Variants in RIMBP2 observed in about 807,000 individuals in gnomAD.
The protein encoded by RIMBP2 is RIMS-binding protein 2.
In RIMBP2, 48 loss-of-function variants were observed where a neutral mutation model predicts 118.6. That is an observed-to-expected ratio of 0.40 (90% CI 0.32 to 0.51). The LOEUF (loss-of-function observed/expected upper bound fraction) is 0.51, where lower values mean the gene tolerates loss of function less well. RIMBP2 is among the 20% of genes least tolerant of loss of function. RIMBP2 has a pLI of 0.41. For missense variants in RIMBP2, 1,551 were observed against 1,768.3 expected, an observed-to-expected ratio of 0.88 and a Z score of 2.20; for synonymous variants, 762 against 742.9, an observed-to-expected ratio of 1.03 and a Z score of -0.42.
intron 3 of RIMBP2, among the ~76,000 whole-genome samples, chr12:130,510,192 C>T (rs1429901599): frequency 2.0e-5 from 3 of 152,212 alleles, no homozygotes; most frequent in Non-Finnish European, 1.5e-5. Context: ...TTACAAACGG[C>T]GCCAGAAGCT....
chr12:130,676,577 C>G (rs1312941227), intron 1 of RIMBP2, among the ~76,000 whole-genome samples: 1 of 151,024 alleles, frequency 6.6e-6, no homozygotes, highest in Non-Finnish European at 1.5e-5. Flanking sequence ...GAGCCAAGAT[C>G]GAGCCACTGA....
chr12:130,439,921 G>A lies in RIMBP2; in HGVS notation c.1505-1405C>T, dbSNP rs970031208. Among the ~76,000 whole-genome samples, 5 of 146,458 alleles carry A rather than the reference G, an allele frequency of 3.4e-5. No individual in the cohort carries two copies. The East Asian group carries it at 7.8e-4, about 23-fold the overall frequency. On this transcript the variant is annotated intron_variant, in intron 11 of 22. Transcript: ENST00000690449. ...TATCTGTCTATGTGAGTCTGTGGGG[G>A]TGTCTGTGGGTGTGTGTACATGTAT...
chr12:130,653,473 G>C (rs182279132), intron 1 of RIMBP2, among the ~76,000 whole-genome samples: 2 of 152,226 alleles, frequency 1.3e-5, no homozygotes, highest in African/African-American at 4.8e-5. Flanking sequence ...GCTCTCACAG[G>C]TTAGAGTTAA....
chr12:130,636,993 A>G (rs958668990), intron 1 of RIMBP2, among the ~76,000 whole-genome samples: 6 of 152,246 alleles, frequency 3.9e-5, no homozygotes, highest in Admixed American at 6.5e-5. Flanking sequence ...ACAGAAGAGC[A>G]GAGAATCATG....
intron 5 of RIMBP2, among the ~76,000 whole-genome samples, chr12:130,477,644 T>C (rs1196711111): frequency 6.6e-6 from 1 of 152,228 alleles, no homozygotes; most frequent in Non-Finnish European, 1.5e-5. Flanking sequence ...TCATGCTAAA[T>C]GCTTAGAGAA....
Position 130,438,351 on chromosome 12 carries a change from C to CCACCAAA in RIMBP2, c.1656+13_1656+14insTTTGGTG. The CCACCAAA allele has an allele frequency of 8.2e-6, 13 of 1,589,866 alleles. No homozygotes were observed. Among genetic ancestry groups the CCACCAAA allele is most frequent in the Non-Finnish European group, 1.1e-5 (13 of 1,158,564 alleles). ...GCCTAACAAACCCTCCCCACCCACC[C>CCACCAAA]AACGAAAACTCACCCTCTGCCCTTT... On this transcript the variant is annotated intron_variant, in intron 12 of 22. Transcript: ENST00000690449.
chr12:130,696,106 C>T (rs1293978132), intron 1 of RIMBP2, among the ~76,000 whole-genome samples: 3 of 152,176 alleles, frequency 2.0e-5, no homozygotes, highest in East Asian at 1.9e-4. Flanking sequence ...AAGGTACCAA[C>T]GATGCATGGA....
chr12:130,610,542 AT>A (rs1199610126), intron 2 of RIMBP2, among the ~76,000 whole-genome samples: 8 of 131,270 alleles, frequency 6.1e-5, no homozygotes, highest in Non-Finnish European at 1.1e-4. Context: ...CATCAAAGTA[AT>A]TTTCCTGCTT....
At chr12:130,551,129 C>T (rs1433241920) in intron 2 of RIMBP2, among the ~76,000 whole-genome samples, 2 of 152,226 alleles carry the variant, frequency 1.3e-5, no homozygotes, top group Non-Finnish European at 2.9e-5. Context: ...CTTGACCTAA[C>T]TCTCAGAAGA....
chr12:130,599,636 T>C (rs1004017532), intron 2 of RIMBP2, among the ~76,000 whole-genome samples: 5 of 152,348 alleles, frequency 3.3e-5, no homozygotes, highest in Middle Eastern at 3.4e-3. Flanking sequence ...ATACAGATGA[T>C]TGGAACTCTC....
intron 10 of RIMBP2, among the ~76,000 whole-genome samples, 171 bp downstream of exon 10, chr12:130,444,989 C>A (rs189719511): frequency 1.3e-5 from 2 of 152,156 alleles, no homozygotes; most frequent in South Asian, 4.1e-4. Context: ...TCTTTCCAGT[C>A]GTCAAAGAGG....
intron 1 of RIMBP2, chr12:130,634,005 A>C (rs978976860): frequency 6.6e-6 from 1 of 152,234 alleles, no homozygotes; most frequent in African/African-American, 2.4e-5. Context: ...ATAGGATGGT[A>C]ATTCAATCTG....
chr12:130,658,987 T>G lies in RIMBP2; in HGVS notation c.-351-30531A>C, dbSNP rs548269894. On this transcript the variant is annotated intron_variant, in intron 1 of 22. Transcript: ENST00000690449. The stretch of plus-strand genomic sequence containing the variant: ...CCTTCCTCCACCATGCCAACCTCCC[T>G]TCCTCCACCATGCCAGCCTCCCTCC... 6.6e-5 allele frequency among the ~76,000 whole-genome samples: 10 copies of G among 152,042 alleles called. No homozygotes were observed. The South Asian group carries it at 2.1e-3, about 32-fold the overall frequency.
At position 130,581,060 on chromosome 12, in the gene RIMBP2, C is replaced by T. The variant is rs905136274; in HGVS notation, c.-217+47262G>A. Among the ~76,000 whole-genome samples, 2 of 152,174 alleles carry T rather than the reference C, an allele frequency of 1.3e-5. No individual in the cohort carries two copies. Among genetic ancestry groups the T allele is most frequent in the Non-Finnish European group, 2.9e-5 (2 of 68,040 alleles). On this transcript the variant is annotated intron_variant, in intron 2 of 22. Coordinates refer to ENST00000690449, the MANE Select transcript of RIMBP2 (RefSeq NM_001393629.1). This position sits in a 1 kb window ranked among gnomAD's most constrained non-coding sequence, Gnocchi z 4.4. The stretch of plus-strand genomic sequence containing the variant: ...ACACTGTGCACTGAGGCAGGGGCCT[C>T]GTGGCCGCACCCTCATCCTGCCCTT...
chr12:130,441,579 T>C (rs547500468), intron 11 of RIMBP2, among the ~76,000 whole-genome samples: 1 of 152,248 alleles, frequency 6.6e-6, no homozygotes, highest in African/African-American at 2.4e-5. Flanking sequence ...CTGGGGGGAC[T>C]CACTTCCCTC....
chr12:130,677,388 A>G (rs1441757209), intron 1 of RIMBP2, among the ~76,000 whole-genome samples: 14 of 152,090 alleles, frequency 9.2e-5, no homozygotes, highest in South Asian at 2.1e-4. Context: ...AGCACTTTAG[A>G]AGGCCAAGGC....
rs188897310 is a variant in RIMBP2, at chr12:130,414,599, C to T, written c.3239-293G>A. 6.7e-4 allele frequency: 169 copies of T among 251,976 alleles called. 1 individual carries two copies. The highest frequency in any genetic ancestry group is 3.4e-3 in the African/African-American group (153 of 44,484). 15.6% of individuals were successfully genotyped at this position (251,976 alleles called of 1,614,324 possible). On this transcript the variant is annotated intron_variant, in intron 17 of 22. Coordinates refer to ENST00000690449, the MANE Select transcript of RIMBP2 (RefSeq NM_001393629.1). ...CACAGGCTGGGGCAGGGGCTGCGGC[C>T]GTGCCAGGGGCAGGATGGCCCATGC...
intron 4 of RIMBP2, among the ~76,000 whole-genome samples, chr12:130,492,009 CA>C (rs1434570304): frequency 1.3e-5 from 2 of 152,200 alleles, no homozygotes; most frequent in Non-Finnish European, 1.5e-5. Flanking sequence ...TCCTCAACGT[CA>C]GATCAAACGT....
chr12:130,693,757 G>GTCAC (rs1467667541), intron 1 of RIMBP2, among the ~76,000 whole-genome samples: 1 of 152,238 alleles, frequency 6.6e-6, no homozygotes. Flanking sequence ...GTAAGCAGAA[G>GTCAC]TCACTGAAAG....
Sources: gnomAD v4.1 joint callset for allele counts (sites outside exome capture counted in the v4.1 genomes callset) on GRCh38, gnomAD v4.1.1 for gene constraint, Gnocchi (gnomAD v3.1) non-coding constraint, MANE v1.5 for transcripts, NCBI Gene and HGNC (gene_info 2026-07-23, HGNC 2026-07-21) for gene names.